SRBD1: variants seen among roughly 807,000 people sequenced by gnomAD.
The protein encoded by SRBD1 is S1 RNA binding domain 1.
Under a neutral mutation model 115.3 loss-of-function variants are expected in SRBD1, and 88 were observed. The ratio of observed to expected loss-of-function variants is 0.76; its 90% CI spans 0.64 to 0.91. The LOEUF is 0.91. SRBD1 is among the 40% of genes least tolerant of loss of function. The pLI, the probability that SRBD1 is intolerant of heterozygous loss-of-function variation, is 0.00. For missense variants in SRBD1, 1,385 were observed against 1,177.4 expected (o/e 1.18, Z -2.58); for synonymous variants, 509 against 407.7 (o/e 1.25, Z -2.99).
chr2:45,493,227 G>C lies in SRBD1; in HGVS notation c.1875-4896C>G, dbSNP rs996984031. Among the ~76,000 whole-genome samples the C allele has an allele frequency of 1.3e-5, 2 of 152,150 alleles. 1 individual carries two copies. Among genetic ancestry groups the C allele is most frequent in the Non-Finnish European group, 2.9e-5 (2 of 68,018 alleles). The stretch of plus-strand genomic sequence containing the variant: ...GTGAGAGGTTAAATGACTTGCACTA[G>C]GTTTCTCAACGAGTAATACAAAGCA... On this transcript the variant is annotated intron_variant, in intron 14 of 20. Coordinates refer to ENST00000263736, the MANE Select transcript of SRBD1 (RefSeq NM_018079.5).
At chr2:45,512,306 G>C (rs557312697) in intron 14 of SRBD1, among the ~76,000 whole-genome samples, 4 of 152,242 alleles carry the variant, frequency 2.6e-5, no homozygotes, top group African/African-American at 9.6e-5. Context: ...ACATTTGCAT[G>C]ACTTGAATAC....
At chr2:45,606,799 T>A (rs1388705297) in intron 1 of SRBD1, among the ~76,000 whole-genome samples, 2 of 152,224 alleles carry the variant, frequency 1.3e-5, no homozygotes, top group Admixed American at 1.3e-4. Context: ...CCTGATATTA[T>A]TACCATAAAA....
At chr2:45,490,548 G>A (rs1342092063) in intron 14 of SRBD1, among the ~76,000 whole-genome samples, 1 of 152,084 alleles carries the variant, frequency 6.6e-6, no homozygotes, top group African/African-American at 2.4e-5. Flanking sequence ...ATTATTAAGA[G>A]AAAAGAATAT....
chr2:45,448,926 C>CA (rs1187138972), intron 16 of SRBD1, among the ~76,000 whole-genome samples: 1 of 152,202 alleles, frequency 6.6e-6, no homozygotes, highest in East Asian at 1.9e-4. Context: ...TGGGGCAACT[C>CA]ATCTTAACTT....
intron 10 of SRBD1, among the ~76,000 whole-genome samples, chr2:45,555,412 G>A (rs1015802602): frequency 6.7e-6 from 1 of 148,722 alleles, no homozygotes; most frequent in African/African-American, 2.5e-5. Flanking sequence ...AAAAAACCCA[G>A]CCCAGAATTT....
intron 4 of SRBD1, among the ~76,000 whole-genome samples, chr2:45,590,662 T>C (rs1673692003): frequency 6.6e-6 from 1 of 152,188 alleles, no homozygotes. Flanking sequence ...TTGCTTCCCC[T>C]TCCGCCATGA....
At chr2:45,413,453 A>G (rs1266322153) in intron 18 of SRBD1, among the ~76,000 whole-genome samples, 160 bp from the exon 19 acceptor site, 2 of 152,226 alleles carry the variant, frequency 1.3e-5, no homozygotes, top group East Asian at 3.8e-4. Flanking sequence ...ATTTGTTTAA[A>G]TCACTGGGAA....
chr2:45,558,247 T>C (rs1234785506), intron 10 of SRBD1, among the ~76,000 whole-genome samples: 1 of 152,190 alleles, frequency 6.6e-6, no homozygotes, highest in Non-Finnish European at 1.5e-5. Flanking sequence ...GAAGGATTGT[T>C]TAAATCCAGG....
chr2:45,449,675 C>T (rs1668933686), intron 16 of SRBD1, among the ~76,000 whole-genome samples: 1 of 152,098 alleles, frequency 6.6e-6, no homozygotes, highest in African/African-American at 2.4e-5. Flanking sequence ...CAGAGCTATA[C>T]AAATTAAAAC....
In SRBD1 at chr2:45,484,365, G is replaced by T. The variant is rs551778173; in HGVS notation, c.1966+3875C>A. ...TTGGCAGAATCCTCTTATCTGCACA[G>T]GTTTATTCCTAACATCTCTAAAACA... On this transcript the variant is annotated intron_variant, in intron 15 of 20. Transcript: ENST00000263736. Among the ~76,000 whole-genome samples the T allele has an allele frequency of 1.5e-4, 23 of 152,214 alleles. 1 individual carries two copies. In the South Asian group the frequency reaches 4.6e-3, roughly 30 times the overall value.
chr2:45,502,080 C>T (rs1200364073), intron 14 of SRBD1, among the ~76,000 whole-genome samples: 1 of 152,178 alleles, frequency 6.6e-6, no homozygotes, highest in Non-Finnish European at 1.5e-5. Context: ...GGGTACCCCT[C>T]CAAGACGAAG....
chr2:45,511,190 T>A lies in SRBD1; in HGVS notation c.1875-22859A>T, dbSNP rs149807200. Among the ~76,000 whole-genome samples, 5 of 152,348 alleles carry A rather than the reference T, an allele frequency of 3.3e-5. No homozygotes were observed. In the East Asian group the frequency reaches 9.6e-4, roughly 29 times the overall value. On this transcript the variant is annotated intron_variant, in intron 14 of 20. Coordinates refer to ENST00000263736, the MANE Select transcript of SRBD1 (RefSeq NM_018079.5). ...AATCATTTAACGTTTTTCTATTGCT[T>A]TGGATGAGCAAATAAAATCCTCTAA...
chr2:45,399,045 TAACA>T (rs1298279821), intron 19 of SRBD1, among the ~76,000 whole-genome samples: 3 of 151,082 alleles, frequency 2.0e-5, no homozygotes, highest in African/African-American at 7.3e-5. Flanking sequence ...TTTTGAAAAA[TAACA>T]AACCATTACC....
chr2:45,596,843 T>G (rs1448513490), intron 4 of SRBD1, among the ~76,000 whole-genome samples: 1 of 151,856 alleles, frequency 6.6e-6, no homozygotes, highest in Non-Finnish European at 1.5e-5. Flanking sequence ...ATTTATAAAT[T>G]TACATTCTAA....
intron 15 of SRBD1, among the ~76,000 whole-genome samples, chr2:45,486,745 A>T (rs1484734762): frequency 6.8e-6 from 1 of 147,202 alleles, no homozygotes; most frequent in Non-Finnish European, 1.5e-5. Flanking sequence ...AAAATAAAAT[A>T]AAATAAAATA....
intron 14 of SRBD1, among the ~76,000 whole-genome samples, chr2:45,513,867 T>A (rs748188580): frequency 6.6e-6 from 1 of 152,126 alleles, no homozygotes; most frequent in Non-Finnish European, 1.5e-5. Context: ...TAAAGACAAG[T>A]TTATTCTCTC....
chr2:45,446,744 C>A (rs1432268253), intron 16 of SRBD1, among the ~76,000 whole-genome samples: 1 of 150,826 alleles, frequency 6.6e-6, no homozygotes, highest in Non-Finnish European at 1.5e-5. Context: ...CAAAAACACC[C>A]CAAACTTCCA....
intron 16 of SRBD1, among the ~76,000 whole-genome samples, chr2:45,463,474 A>G (rs185323439): frequency 2.6e-5 from 4 of 152,360 alleles, no homozygotes; most frequent in Admixed American, 2.6e-4. Context: ...AAAAATAGCA[A>G]GTATCAGATA....
intron 3 of SRBD1, among the ~76,000 whole-genome samples, chr2:45,601,226 T>A (rs1311432191): frequency 6.6e-6 from 1 of 152,234 alleles, no homozygotes; most frequent in African/African-American, 2.4e-5. Flanking sequence ...AATGGATTTA[T>A]CTCATCATCC....
Sources: gnomAD v4.1 joint callset for allele counts (sites outside exome capture counted in the v4.1 genomes callset) on GRCh38, gnomAD v4.1.1 for gene constraint, MANE v1.5 for transcripts, NCBI Gene and HGNC (gene_info 2026-07-23, HGNC 2026-07-21) for gene names.